Variants in SLC9C1 observed in about 807,000 individuals in gnomAD.
The protein encoded by SLC9C1 is sodium/hydrogen exchanger 10.
In SLC9C1, 97 loss-of-function variants were observed where a neutral mutation model predicts 140.9. The observed-to-expected ratio is 0.69, with a 90% CI of 0.58 to 0.82. SLC9C1 has a LOEUF of 0.82. Ranked by LOEUF, SLC9C1 falls within the 40% of genes least tolerant of loss-of-function variation. The pLI is 0.00. For synonymous variants in SLC9C1, 440 were observed against 442.6 expected, an observed-to-expected ratio of 0.99 and a Z score of 0.07; for missense variants, 1,340 against 1,389.3, an observed-to-expected ratio of 0.96 and a Z score of 0.56.
intron 23 of SLC9C1, among the ~76,000 whole-genome samples, chr3:112,177,082 C>T (rs762574762): frequency 6.9e-6 from 1 of 144,472 alleles, no homozygotes; most frequent in African/African-American, 2.6e-5. Flanking sequence ...TCTCAGCTTA[C>T]TGCAACCTCT....
intron 20 of SLC9C1, among the ~76,000 whole-genome samples, chr3:112,186,338 T>G (rs2077539806): frequency 1.3e-5 from 2 of 152,230 alleles, no homozygotes; most frequent in Non-Finnish European, 2.9e-5. Flanking sequence ...CTTTAACAGT[T>G]ATGTCTATAA....
chr3:112,161,764 G>A lies in SLC9C1; in HGVS notation c.3364+5457C>T, dbSNP rs2075306759. 4.0e-5 allele frequency among the ~76,000 whole-genome samples: 6 copies of A among 151,536 alleles called. No homozygotes were observed. The South Asian group carries it at 8.4e-4, about 21-fold the overall frequency. On this transcript the variant is annotated intron_variant, in intron 26 of 28. Coordinates refer to ENST00000305815, the MANE Select transcript of SLC9C1 (RefSeq NM_183061.3). ...GACTTGGCGATGCGGGCTCTTTTTT[G>A]GTTCCATATGAACTTTAAAGTAGTT...
At chr3:112,163,812 A>G (rs973220253) in intron 26 of SLC9C1, among the ~76,000 whole-genome samples, 2 of 152,078 alleles carry the variant, frequency 1.3e-5, no homozygotes, top group Non-Finnish European at 2.9e-5. Flanking sequence ...GCTGAGTACA[A>G]TTCCTGGGTA....
chr3:112,291,622 T>C (rs1455986255), intron 1 of SLC9C1, among the ~76,000 whole-genome samples: 2 of 152,140 alleles, frequency 1.3e-5, no homozygotes, highest in Non-Finnish European at 1.5e-5. Flanking sequence ...AAATAACAGA[T>C]GCTGACAAGG....
In SLC9C1 at chr3:112,227,694, G is replaced by T. The variant is rs540021897; in HGVS notation, c.1572+3667C>A. Among the ~76,000 whole-genome samples the T allele has an allele frequency of 4.6e-5, 7 of 152,128 alleles. No homozygotes were observed. In the South Asian group the frequency reaches 1.5e-3, roughly 32 times the overall value. On this transcript the variant is annotated intron_variant, in intron 13 of 28. Coordinates refer to ENST00000305815, the MANE Select transcript of SLC9C1 (RefSeq NM_183061.3). ...TAAAGACTCCACAAAACAACTCCTA[G>T]AACTGTTAAACCAATTTAATGAAGT... is the stretch of plus-strand genomic sequence containing the variant.
chr3:112,153,646 C>A (rs2075047092), intron 27 of SLC9C1, among the ~76,000 whole-genome samples: 1 of 152,140 alleles, frequency 6.6e-6, no homozygotes, highest in African/African-American at 2.4e-5. Context: ...AAGGACTGTG[C>A]AGTGTACTTT....
intron 18 of SLC9C1, 55 bp downstream of exon 18, chr3:112,202,194 AT>A (rs777860738): frequency 1.9e-6 from 3 of 1,585,746 alleles, no homozygotes; most frequent in East Asian, 4.5e-5. Flanking sequence ...AAAATGATGG[AT>A]GAGGGCAACT....
At position 112,179,422 on chromosome 3, in the gene SLC9C1, A is replaced by G. The variant is rs2077397764; in HGVS notation, c.2919+109T>C. ...GTTCCTTTATAATTCCTAGTTTTTA[A>G]AAGTAAATTGTCAACTAGACTGTAA... On this transcript the variant is annotated intron_variant, in intron 23 of 28. Coordinates refer to ENST00000305815, the MANE Select transcript of SLC9C1 (RefSeq NM_183061.3). 9 of 1,262,234 alleles carry G rather than the reference A, an allele frequency of 7.1e-6. No individual in the cohort carries two copies. The Middle Eastern group carries it at 8.3e-4, about 117-fold the overall frequency. 78.2% of individuals were successfully genotyped at this position (1,262,234 alleles called of 1,614,324 possible).
intron 3 of SLC9C1, 104 bp downstream of exon 3, chr3:112,280,579 C>A: frequency 1.1e-6 from 1 of 907,000 alleles, no homozygotes; most frequent in Non-Finnish European, 1.6e-6. Flanking sequence ...TATCAACTGG[C>A]AGAACAGTGA....
intron 20 of SLC9C1, among the ~76,000 whole-genome samples, chr3:112,196,198 C>G (rs1204141730): frequency 2.0e-5 from 3 of 148,352 alleles, no homozygotes; most frequent in Admixed American, 6.7e-5. Flanking sequence ...TTTTTTTTTT[C>G]CACTTCGAAT....
chr3:112,183,330 A>G (rs1397701875), intron 20 of SLC9C1, among the ~76,000 whole-genome samples: 2 of 95,816 alleles, frequency 2.1e-5, no homozygotes, highest in Non-Finnish European at 4.1e-5. Context: ...GCTTACGACA[A>G]TGATATTTAG....
At position 112,279,776 on chromosome 3, in the gene SLC9C1, GGAAA is replaced by G. The variant is rs1341730035; in HGVS notation, c.189+903_189+906del. 9.2e-5 allele frequency among the ~76,000 whole-genome samples: 14 copies of G among 152,304 alleles called. No individual in the cohort carries two copies. The East Asian group carries it at 2.7e-3, about 29-fold the overall frequency. ...TTTGCTTCTTTGGGATTATGGTTCA[GGAAA>G]CAGGCACAAGAAAATGTTAACTCTG... On this transcript the variant is annotated intron_variant, in intron 3 of 28. Coordinates refer to ENST00000305815, the MANE Select transcript of SLC9C1 (RefSeq NM_183061.3).
At chr3:112,186,439 CAAAAACAAT>C (rs1367994153) in intron 20 of SLC9C1, among the ~76,000 whole-genome samples, 3 of 151,472 alleles carry the variant, frequency 2.0e-5, no homozygotes, top group Admixed American at 6.6e-5. Context: ...AGAAAAAAAA[CAAAAACAAT>C]TAAAACAAAA....
intron 10 of SLC9C1, among the ~76,000 whole-genome samples, chr3:112,249,868 T>C (rs987864271): frequency 1.3e-5 from 2 of 152,126 alleles, no homozygotes; most frequent in Admixed American, 6.5e-5. Flanking sequence ...TCAATCTTAT[T>C]TATTGTTTCA....
chr3:112,185,415 C>G (rs1210723477), intron 20 of SLC9C1: 1 of 1,210,990 alleles, frequency 8.3e-7, no homozygotes, highest in Non-Finnish European at 1.2e-6. Flanking sequence ...AAGAGGCACT[C>G]AGGGGTGGGG....
In SLC9C1 at chr3:112,179,568, G is replaced by T; in HGVS notation, c.2882C>A (p.Pro961His). 6.2e-7 allele frequency: 1 copy of T among 1,609,124 alleles called. No homozygotes were observed. Among genetic ancestry groups the T allele is most frequent in the Non-Finnish European group, 8.5e-7 (1 of 1,178,454 alleles). The change falls in exon 23 of 29, where the codon CCT (proline) becomes CAT (histidine). Residue 961 changes from proline (P) to histidine (H), a missense_variant. Transcript: ENST00000305815. ...TTTGCAGGTGGCAGAATATTTCATA[G>T]GTTCATTAGTTAAGCAGTTTATCTC... ...IGEINCLTNE[P>H]MKYSATCKTV...
At chr3:112,270,451 T>C (rs2108315051) in intron 6 of SLC9C1, among the ~76,000 whole-genome samples, 1 of 152,374 alleles carries the variant, frequency 6.6e-6, no homozygotes, top group African/African-American at 2.4e-5. Context: ...TGTGAAGTGA[T>C]ATCTCATTGT....
At position 112,231,487 on chromosome 3, in the gene SLC9C1, C is replaced by T. The variant is rs769776507; in HGVS notation, c.1447-1G>A. 5 of 1,602,742 alleles carry T rather than the reference C, an allele frequency of 3.1e-6. No individual in the cohort carries two copies. Among genetic ancestry groups the T allele is most frequent in the Non-Finnish European group, 8.5e-7 (1 of 1,174,180 alleles). On this transcript the variant is annotated splice_acceptor_variant, in intron 12 of 28. Transcript: ENST00000305815. LOFTEE classifies it high-confidence loss of function. ...GTTCTGTTGTTTCTTCTTCGTTCAA[C>T]TAAATAAAACATAAATAAAAGAACA...
In SLC9C1 at chr3:112,163,708, G is replaced by T. The variant is rs1319037274; in HGVS notation, c.3364+3513C>A. Among the ~76,000 whole-genome samples, 6 of 152,110 alleles carry T rather than the reference G, an allele frequency of 3.9e-5. No individual in the cohort carries two copies. The East Asian group carries it at 1.2e-3, about 29-fold the overall frequency. ...TACTTCCCAGTATGTGGTCAATTTT[G>T]GAATAGGTGTGGTGTGGTGCTGAAA... On this transcript the variant is annotated intron_variant, in intron 26 of 28. Transcript: ENST00000305815.
Sources: gnomAD v4.1 joint callset for allele counts (sites outside exome capture counted in the v4.1 genomes callset) on GRCh38, gnomAD v4.1.1 for gene constraint, MANE v1.5 for transcripts, NCBI Gene and HGNC (gene_info 2026-07-23, HGNC 2026-07-21) for gene names.